Variants in PTPRD observed in about 807,000 individuals in gnomAD.
PTPRD encodes the protein receptor-type tyrosine-protein phosphatase delta.
A neutral mutation model predicts 214.5 loss-of-function variants in PTPRD; 34 were observed. The observed-to-expected ratio is 0.16, with a 90% CI of 0.12 to 0.21. PTPRD has a LOEUF of 0.21. Among genes scored for constraint, PTPRD ranks in the 10% least tolerant of loss-of-function variants. The probability of loss-of-function intolerance (pLI) is 1.00; values close to 1 mark genes in which losing one functional copy is unlikely to be tolerated. For missense variants in PTPRD, 2,545 were observed against 2,398.7 expected, an observed-to-expected ratio of 1.06 and a Z score of -1.27; for synonymous variants, 1,128 against 845.7, an observed-to-expected ratio of 1.33 and a Z score of -5.79.
At chr9:10,450,607 C>T (rs1351755959) in intron 2 of PTPRD, among the ~76,000 whole-genome samples, 2 of 151,912 alleles carry the variant, frequency 1.3e-5, no homozygotes, top group Non-Finnish European at 2.9e-5. Context: ...AAGCTATTAT[C>T]CTTGAAAAGA....
At chr9:9,632,856 C>T (rs1054473915) in intron 7 of PTPRD, among the ~76,000 whole-genome samples, 4 of 152,024 alleles carry the variant, frequency 2.6e-5, no homozygotes, top group Non-Finnish European at 5.9e-5. Flanking sequence ...TGATTTTGAG[C>T]AAGTGTTAAT....
intron 14 of PTPRD, among the ~76,000 whole-genome samples, chr9:8,630,570 A>G (rs145132985): frequency 1.5e-3 from 227 of 151,954 alleles, no homozygotes; most frequent in Non-Finnish European, 2.1e-3. Context: ...AATACTTTTG[A>G]ATTTTTCTCA....
At chr9:8,414,971 G>GAGAC (rs1164793377) in intron 35 of PTPRD, among the ~76,000 whole-genome samples, 29 of 144,788 alleles carry the variant, frequency 2.0e-4, no homozygotes, top group Middle Eastern at 3.5e-3. Context: ...GAGAGAGAGA[G>GAGAC]AGACAGACAG....
intron 2 of PTPRD, among the ~76,000 whole-genome samples, chr9:10,499,837 T>C (rs1252330311): frequency 6.6e-6 from 1 of 151,894 alleles, no homozygotes; most frequent in Non-Finnish European, 1.5e-5. Context: ...AGAGTGGAAT[T>C]TTATTTTTCA....
At chr9:9,313,198 C>T (rs1349715207) in intron 9 of PTPRD, among the ~76,000 whole-genome samples, 4 of 151,904 alleles carry the variant, frequency 2.6e-5, no homozygotes, top group East Asian at 1.9e-4. Flanking sequence ...TTGCAGTTTC[C>T]GGTAAGTTAC....
Position 8,389,389 on chromosome 9 carries a change from T to A in PTPRD, c.4229A>T (p.Tyr1410Phe), listed in dbSNP as rs1041912506. Reference protein sequence around the residue: ...SAIEGIPGSDYVNANYIDGYR... With the variant: ...SAIEGIPGSDFVNANYIDGYR... ...CCCATCTATGTAGTTGGCATTCACA[T>A]AGTCACTTCCTGGGATCCCTGGAAA... The change falls in exon 37 of 46, where the codon TAT (tyrosine) becomes TTT (phenylalanine). Residue 1410 changes from tyrosine to phenylalanine, a missense_variant. Physicochemically the swap from Tyr to Phe is conservative, Grantham distance 22. Transcript: ENST00000381196. The A allele has an allele frequency of 1.9e-6, 3 of 1,609,390 alleles. No individual in the cohort carries two copies. Among genetic ancestry groups the A allele is most frequent in the South Asian group, 1.1e-5 (1 of 90,128 alleles).
chr9:10,395,652 G>C (rs918105509), intron 2 of PTPRD, among the ~76,000 whole-genome samples: 1 of 151,814 alleles, frequency 6.6e-6, no homozygotes, highest in African/African-American at 2.4e-5. Context: ...CCCATAGATT[G>C]CCATTCACCT....
chr9:9,916,371 GA>G (rs1266164565), intron 5 of PTPRD, among the ~76,000 whole-genome samples: 1 of 151,390 alleles, frequency 6.6e-6, no homozygotes, highest in Non-Finnish European at 1.5e-5. Context: ...AATAATAAAA[GA>G]AAAAAGGAAC....
intron 9 of PTPRD, among the ~76,000 whole-genome samples, chr9:9,378,831 A>G (rs544620119): frequency 1.4e-3 from 219 of 152,116 alleles, no homozygotes; most frequent in African/African-American, 5.1e-3. Context: ...GTATCCCTTA[A>G]AATCTTTCAC....
chr9:9,112,434 GC>G (rs1277780595), intron 10 of PTPRD, among the ~76,000 whole-genome samples: 2 of 152,082 alleles, frequency 1.3e-5, no homozygotes, highest in Non-Finnish European at 2.9e-5. Flanking sequence ...TGCACAGCCT[GC>G]TTTGGTTATC....
At chr9:10,125,087 T>C (rs1479997130) in intron 3 of PTPRD, among the ~76,000 whole-genome samples, 1 of 152,230 alleles carries the variant, frequency 6.6e-6, no homozygotes, top group Non-Finnish European at 1.5e-5. Flanking sequence ...TCAAGAAATG[T>C]ATTTAGGGTC....
intron 4 of PTPRD, among the ~76,000 whole-genome samples, chr9:9,994,759 T>C (rs948486053): frequency 7.2e-5 from 11 of 152,166 alleles, no homozygotes; most frequent in African/African-American, 2.4e-4. Context: ...TATTTATCAA[T>C]TGTATTACAT....
chr9:9,428,309 CA>C (rs1217472719), intron 8 of PTPRD, among the ~76,000 whole-genome samples: 4 of 151,862 alleles, frequency 2.6e-5, no homozygotes, highest in East Asian at 1.9e-4. Flanking sequence ...TCAGAAGAGA[CA>C]AAAAAGGCCA....
At chr9:8,542,694 C>G (rs1276862581) in intron 14 of PTPRD, among the ~76,000 whole-genome samples, 1 of 152,196 alleles carries the variant, frequency 6.6e-6, no homozygotes, top group Non-Finnish European at 1.5e-5. Flanking sequence ...AACACTGATC[C>G]AGCTTTTCCT....
At chr9:9,724,506 A>G (rs1457720715) in intron 7 of PTPRD, among the ~76,000 whole-genome samples, 2 of 152,232 alleles carry the variant, frequency 1.3e-5, no homozygotes, top group Admixed American at 1.3e-4. Context: ...GGATAGCCTT[A>G]CTCCCATAAT....
chr9:9,069,111 G>A (rs1235206302), intron 10 of PTPRD, among the ~76,000 whole-genome samples: 1 of 152,144 alleles, frequency 6.6e-6, no homozygotes, highest in Admixed American at 6.5e-5. Context: ...CCTGACGGAA[G>A]TTCTAAAGAT....
At chr9:9,526,599 G>T (rs936506475) in intron 8 of PTPRD, among the ~76,000 whole-genome samples, 1 of 152,220 alleles carries the variant, frequency 6.6e-6, no homozygotes, top group East Asian at 1.9e-4. Context: ...AAGCAAATTT[G>T]TCCTGTAATT....
intron 9 of PTPRD, among the ~76,000 whole-genome samples, chr9:9,370,901 T>A (rs1161790079): frequency 6.6e-6 from 1 of 152,190 alleles, no homozygotes; most frequent in Non-Finnish European, 1.5e-5. Flanking sequence ...TCTGTTTATA[T>A]GCTGGATTAC....
intron 8 of PTPRD, among the ~76,000 whole-genome samples, chr9:9,503,934 G>A (rs915389787): frequency 8.6e-5 from 13 of 151,804 alleles, no homozygotes; most frequent in Middle Eastern, 3.4e-3. Flanking sequence ...TTGGAATGGT[G>A]CCACTTTTGT....
Sources: gnomAD v4.1 joint callset for allele counts (sites outside exome capture counted in the v4.1 genomes callset) on GRCh38, gnomAD v4.1.1 for gene constraint, MANE v1.5 for transcripts, NCBI Gene and HGNC (gene_info 2026-07-23, HGNC 2026-07-21) for gene names.